The following PREX2 variants were observed in gnomAD, a reference collection of about 807,000 sequenced individuals.
PREX2 encodes the protein phosphatidylinositol 3,4,5-trisphosphate-dependent Rac exchanger 2 protein.
PREX2 carries 107 observed loss-of-function variants against 203.2 expected under a neutral mutation model. The observed-to-expected ratio is 0.53, with a 90% confidence interval of 0.45 to 0.62. The LOEUF (loss-of-function observed/expected upper bound fraction) is 0.62. Among genes scored for constraint, PREX2 ranks in the 20% least tolerant of loss-of-function variants. The pLI, the probability that PREX2 is intolerant of heterozygous loss-of-function variation, is 0.00. For missense variants in PREX2, 1,777 were observed against 1,955.9 expected, an observed-to-expected ratio of 0.91 and a Z score of 1.72; for synonymous variants, 672 against 663.6, an observed-to-expected ratio of 1.01 and a Z score of -0.19.
intron 37 of PREX2, among the ~76,000 whole-genome samples, chr8:68,212,256 C>G (rs551953607): frequency 6.6e-6 from 1 of 152,326 alleles, no homozygotes; most frequent in African/African-American, 2.4e-5. Context: ...CCATTACACC[C>G]TTCGCTAGTA....
intron 37 of PREX2, among the ~76,000 whole-genome samples, chr8:68,205,412 A>G (rs939530408): frequency 6.6e-6 from 1 of 152,170 alleles, no homozygotes; most frequent in Non-Finnish European, 1.5e-5. Context: ...GACTTGTAGC[A>G]ATTTTCTCAA....
intron 23 of PREX2, among the ~76,000 whole-genome samples, chr8:68,104,612 C>T (rs369735693): frequency 6.6e-6 from 1 of 152,356 alleles, no homozygotes; most frequent in East Asian, 1.9e-4. Flanking sequence ...TTCCAACCCT[C>T]TTACACTGCT....
chr8:67,968,353 ATTTTT>A (rs1449638671), intron 1 of PREX2, among the ~76,000 whole-genome samples: 1 of 151,896 alleles, frequency 6.6e-6, no homozygotes, highest in East Asian at 1.9e-4. Flanking sequence ...TGGTGCTGAC[ATTTTT>A]TTCAGGGTTA....
chr8:68,064,738 ATGCTGTCGAGGTTATTTGTATCTAT>A (rs930929131), intron 11 of PREX2, among the ~76,000 whole-genome samples: 3 of 152,076 alleles, frequency 2.0e-5, no homozygotes, highest in African/African-American at 7.2e-5. Context: ...ACTATTATCT[ATGCTGTCGAGGTTATTTGTATCTAT>A]TGCTTGTGTA....
rs1284182638 is a variant in PREX2 at position 68,046,690 on chromosome 8, T to TC, written c.943+2100_943+2101insC. Among the ~76,000 whole-genome samples, 46 of 152,224 alleles carry TC rather than the reference T, an allele frequency of 3.0e-4. 1 individual carries two copies. The Middle Eastern group carries it at 0.017, about 56-fold the overall frequency. On this transcript the variant is annotated intron_variant, in intron 8 of 39. Coordinates refer to ENST00000288368, the MANE Select transcript of PREX2 (RefSeq NM_024870.4). Reference sequence around the variant, plus strand: ...TTTTCTTTAAAGTAAGATGAAAACATTTATTACATCTTGTATTATTCAACT... The same window carrying TC: ...TTTTCTTTAAAGTAAGATGAAAACATCTTATTACATCTTGTATTATTCAACT...
At chr8:67,973,797 T>G (rs1277357003) in intron 1 of PREX2, among the ~76,000 whole-genome samples, 1 of 152,164 alleles carries the variant, frequency 6.6e-6, no homozygotes, top group Non-Finnish European at 1.5e-5. Context: ...AGTCAGACAT[T>G]TTACAGCTGG....
At position 68,006,502 on chromosome 8, in the gene PREX2, G is replaced by A. The variant is rs140063195; in HGVS notation, c.142-11344G>A. 3.9e-5 allele frequency among the ~76,000 whole-genome samples: 6 copies of A among 152,152 alleles called. No individual in the cohort carries two copies. The East Asian group carries it at 7.7e-4, about 20-fold the overall frequency. Reference sequence around the variant, plus strand: ...TCCTACTCCACCTCAAGCAGCATCCGTCAGGGTCACCTTTAGACCAGTGAT... The same window carrying A: ...TCCTACTCCACCTCAAGCAGCATCCATCAGGGTCACCTTTAGACCAGTGAT... On this transcript the variant is annotated intron_variant, in intron 1 of 39. Coordinates refer to ENST00000288368, the MANE Select transcript of PREX2 (RefSeq NM_024870.4).
At chr8:68,063,949 G>A (rs547758660) in intron 11 of PREX2, among the ~76,000 whole-genome samples, 1 of 152,264 alleles carries the variant, frequency 6.6e-6, no homozygotes, top group East Asian at 1.9e-4. Flanking sequence ...AAAGTTGAAT[G>A]AACCATCTGT....
intron 3 of PREX2, among the ~76,000 whole-genome samples, chr8:68,020,250 G>A (rs765428214): frequency 2.2e-4 from 32 of 144,744 alleles, no homozygotes; most frequent in Non-Finnish European, 4.0e-4. Flanking sequence ...AATGATGCCC[G>A]AAATTATTTA....
rs79426482 is a variant in PREX2 at position 68,060,650 on chromosome 8, T to C, written c.1239-29T>C. On this transcript the variant is annotated intron_variant, in intron 10 of 39. Coordinates refer to ENST00000288368, the MANE Select transcript of PREX2 (RefSeq NM_024870.4). ...ACTTGCTGGGGAAAAAATTAACCGT[T>C]TAGCTTTTTCACTGACTTTCTCTTG... is the stretch of plus-strand genomic sequence containing the variant. The C allele has an allele frequency of 1.0e-4, 161 of 1,541,032 alleles. No homozygotes were observed. The East Asian group carries it at 3.6e-3, about 34-fold the overall frequency.
intron 37 of PREX2, among the ~76,000 whole-genome samples, chr8:68,200,583 A>G (rs1288754510): frequency 6.7e-6 from 1 of 150,300 alleles, no homozygotes; most frequent in Non-Finnish European, 1.5e-5. Context: ...AAAGGTGGTC[A>G]TATTTGCATG....
rs565261764 is a variant in PREX2 at position 68,059,202 on chromosome 8, A to C, written c.1239-1477A>C. On this transcript the variant is annotated intron_variant, in intron 10 of 39. Coordinates refer to ENST00000288368, the MANE Select transcript of PREX2 (RefSeq NM_024870.4). ...AATTCAATAGTTTATATAAAAGTTCAAATGTTAGACTTTTAAAACATGAGC... is the reference window on the plus strand; with the variant it reads ...AATTCAATAGTTTATATAAAAGTTCCAATGTTAGACTTTTAAAACATGAGC... Among the ~76,000 whole-genome samples, 4 of 152,378 alleles carry C rather than the reference A, an allele frequency of 2.6e-5. No individual in the cohort carries two copies. The South Asian group carries it at 8.3e-4, about 32-fold the overall frequency.
At chr8:68,011,540 G>A (rs1453684020) in intron 1 of PREX2, among the ~76,000 whole-genome samples, 1 of 152,094 alleles carries the variant, frequency 6.6e-6, no homozygotes, top group Non-Finnish European at 1.5e-5. Flanking sequence ...GGAACATGTG[G>A]CTTCTTCAGC....
At chr8:68,013,977 A>G (rs1249552230) in intron 1 of PREX2, among the ~76,000 whole-genome samples, 1 of 152,202 alleles carries the variant, frequency 6.6e-6, no homozygotes, top group African/African-American at 2.4e-5. Flanking sequence ...AGAACGATCT[A>G]CTATGTGTGC....
intron 37 of PREX2, among the ~76,000 whole-genome samples, chr8:68,214,912 T>A (rs1812804256): frequency 6.6e-6 from 1 of 152,190 alleles, no homozygotes; most frequent in Admixed American, 6.5e-5. Flanking sequence ...TTCAAATTAA[T>A]TTTGATTCCT....
chr8:68,158,100 T>A (rs1400823649), intron 35 of PREX2, among the ~76,000 whole-genome samples: 1 of 28,588 alleles, frequency 3.5e-5, no homozygotes, highest in East Asian at 3.2e-3. Flanking sequence ...TATATATGTG[T>A]ATATATATGT....
At position 68,157,481 on chromosome 8, in the gene PREX2, A is replaced by G. The variant is rs747156279; in HGVS notation, c.4346+45A>G. 4.1e-6 allele frequency: 4 copies of G among 976,896 alleles called. No individual in the cohort carries two copies. In the South Asian group the frequency reaches 5.8e-5, roughly 14 times the overall value. The allele number at this position is 976,896 out of a possible 1,614,324, so 60.5% of individuals were successfully genotyped here. On this transcript the variant is annotated intron_variant, in intron 35 of 39. Transcript: ENST00000288368. ...AAAAATAATGAGTGTCTATATTTTG[A>G]TAGAAATGTATTAATAGGACTTTTG... is the stretch of plus-strand genomic sequence containing the variant.
intron 35 of PREX2, among the ~76,000 whole-genome samples, chr8:68,185,743 T>C (rs1192924119): frequency 6.7e-6 from 1 of 149,728 alleles, no homozygotes; most frequent in South Asian, 2.1e-4. Flanking sequence ...AATAGTGTCA[T>C]AATATATTTA....
chr8:68,121,106 C>T (rs1431972170), intron 30 of PREX2, 57 bp downstream of exon 30: 20 of 1,570,104 alleles, frequency 1.3e-5, no homozygotes, highest in Admixed American at 2.0e-5. Flanking sequence ...ATTTAAAACC[C>T]ACTAAAACCA....
Sources: allele counts gnomAD v4.1 joint callset (sites outside exome capture counted in the v4.1 genomes callset), GRCh38; gene constraint gnomAD v4.1.1; transcripts MANE v1.5; gene names NCBI Gene and HGNC (gene_info 2026-07-23, HGNC 2026-07-21).